The following PDE8A variants were observed in gnomAD, a reference collection of about 807,000 sequenced individuals.
The protein encoded by PDE8A is high affinity cAMP-specific and IBMX-insensitive 3',5'-cyclic phosphodiesterase 8A.
A neutral mutation model predicts 105.0 loss-of-function variants in PDE8A; 59 were observed. The observed-to-expected ratio is 0.56, with a 90% CI of 0.46 to 0.70. The LOEUF is 0.70. PDE8A is among the 30% of genes least tolerant of loss of function. The pLI, the probability that PDE8A is intolerant of heterozygous loss-of-function variation, is 0.00. For missense variants in PDE8A, 1,014 were observed against 1,045.9 expected (o/e 0.97, Z 0.42); for synonymous variants, 355 against 371.9 (o/e 0.95, Z 0.52).
intron 11 of PDE8A, among the ~76,000 whole-genome samples, chr15:85,103,225 AG>A (rs1384293661): frequency 1.3e-5 from 2 of 152,222 alleles, no homozygotes; most frequent in African/African-American, 4.8e-5. Flanking sequence ...GTCTAAAAAA[AG>A]AAAAAAGTTG....
chr15:85,070,993 C>G (rs756447249), intron 3 of PDE8A, among the ~76,000 whole-genome samples: 5 of 151,870 alleles, frequency 3.3e-5, no homozygotes, highest in Non-Finnish European at 5.9e-5. Context: ...AACTTCCTAT[C>G]AAAAAACCCA....
chr15:85,055,634 C>G (rs1331360268), intron 1 of PDE8A, among the ~76,000 whole-genome samples: 9 of 152,084 alleles, frequency 5.9e-5, no homozygotes. Flanking sequence ...GATTGCAACC[C>G]CTACTATTTT....
intron 1 of PDE8A, among the ~76,000 whole-genome samples, chr15:85,034,555 T>TA: frequency 2.0e-5 from 3 of 152,314 alleles, no homozygotes; most frequent in Middle Eastern, 6.8e-3. Context: ...CCCTCATCGT[T>TA]AATAGCTAAG....
chr15:85,070,906 T>G (rs1424943745), intron 3 of PDE8A, among the ~76,000 whole-genome samples: 1 of 152,246 alleles, frequency 6.6e-6, no homozygotes, highest in African/African-American at 2.4e-5. Flanking sequence ...GTGAGGCTGC[T>G]AGAGGCCATC....
chr15:85,005,026 GTCTTT>G lies in PDE8A; in HGVS notation c.186+22681_186+22685del, dbSNP rs2080123688. 4.6e-5 allele frequency among the ~76,000 whole-genome samples: 7 copies of G among 151,964 alleles called. No homozygotes were observed. The South Asian group carries it at 1.5e-3, about 32-fold the overall frequency. On this transcript the variant is annotated intron_variant, in intron 1 of 21. Transcript: ENST00000394553. ...TGTTTTAGTGACTTTTCTAAAGTTT[GTCTTT>G]TCATCTAGGAAGTATATAGAATACA...
At chr15:85,079,986 A>G (rs2081439896) in intron 5 of PDE8A, among the ~76,000 whole-genome samples, 1 of 152,188 alleles carries the variant, frequency 6.6e-6, no homozygotes, top group Non-Finnish European at 1.5e-5. Context: ...ATAGGCTGTT[A>G]GATTGGGTTG....
At chr15:85,093,978 G>A (rs2081696365) in intron 8 of PDE8A, among the ~76,000 whole-genome samples, 1 of 151,862 alleles carries the variant, frequency 6.6e-6, no homozygotes, top group Non-Finnish European at 1.5e-5. Flanking sequence ...TCCCACTTCA[G>A]CCTCCCAAGT....
intron 1 of PDE8A, among the ~76,000 whole-genome samples, chr15:85,050,273 A>C (rs2080952283): frequency 6.6e-6 from 1 of 151,700 alleles, no homozygotes; most frequent in Non-Finnish European, 1.5e-5. Context: ...TTGCATTTTT[A>C]CTCTGTTGAT....
intron 1 of PDE8A, among the ~76,000 whole-genome samples, chr15:84,995,979 G>A (rs2079969133): frequency 6.6e-6 from 1 of 152,020 alleles, no homozygotes; most frequent in Non-Finnish European, 1.5e-5. Context: ...TTTCTCCCTA[G>A]TATGTTTTGG....
intron 20 of PDE8A, among the ~76,000 whole-genome samples, chr15:85,130,199 C>T (rs1356940897): frequency 6.6e-6 from 1 of 152,148 alleles, no homozygotes; most frequent in African/African-American, 2.4e-5. Context: ...CAAGATCTCT[C>T]ATTACCATGG....
At chr15:84,981,073 C>T (rs1445152393), upstream of PDE8A, among the ~76,000 whole-genome samples, 2 of 152,240 alleles carry the variant, frequency 1.3e-5, no homozygotes, top group Non-Finnish European at 2.9e-5. Context: ...GTAACAGCTC[C>T]AGGGCTCACA....
chr15:85,129,282 C>T (rs117393272), intron 20 of PDE8A, among the ~76,000 whole-genome samples: 2,958 of 152,278 alleles, frequency 0.019, 47 homozygotes, highest in Non-Finnish European at 0.034. Flanking sequence ...GGAAGTACTT[C>T]CTTCCTTTTC....
chr15:85,102,708 G>T (rs1042846734), intron 11 of PDE8A, among the ~76,000 whole-genome samples: 1 of 151,556 alleles, frequency 6.6e-6, no homozygotes, highest in East Asian at 1.9e-4. Flanking sequence ...GCGTCGTGGC[G>T]CATGCCTGTC....
chr15:85,057,878 A>C (rs914754109), intron 1 of PDE8A, among the ~76,000 whole-genome samples: 1 of 152,334 alleles, frequency 6.6e-6, no homozygotes, highest in Non-Finnish European at 1.5e-5. Context: ...CTTGCATTTC[A>C]GGAATACATC....
chr15:85,122,478 C>T (rs1485666749), intron 18 of PDE8A, among the ~76,000 whole-genome samples: 1 of 152,186 alleles, frequency 6.6e-6, no homozygotes. Context: ...CTTATAGTTA[C>T]ATCAGTTATC....
chr15:85,062,330 C>T (rs7402299), intron 1 of PDE8A, among the ~76,000 whole-genome samples: 16,988 of 152,172 alleles, frequency 0.11, 1,341 homozygotes, highest in East Asian at 0.36. Flanking sequence ...AACTCAAGGT[C>T]TTCTCAGGCA....
chr15:85,105,061 G>A (rs972621973), intron 11 of PDE8A, among the ~76,000 whole-genome samples: 2 of 152,214 alleles, frequency 1.3e-5, no homozygotes, highest in African/African-American at 4.8e-5. Context: ...GCATGCAGGG[G>A]ATGAGGAGGT....
intron 1 of PDE8A, among the ~76,000 whole-genome samples, chr15:85,037,732 T>C (rs1284593151): frequency 7.9e-5 from 12 of 152,222 alleles, no homozygotes; most frequent in Admixed American, 7.2e-4. Context: ...TAATTATTAC[T>C]GAAGTAAAGA....
chr15:85,011,765 C>A (rs2141333639), intron 1 of PDE8A, among the ~76,000 whole-genome samples: 1 of 152,120 alleles, frequency 6.6e-6, no homozygotes, highest in South Asian at 2.1e-4. Flanking sequence ...AGGCAACCTA[C>A]AAAATGGGAG....
Sources: allele counts gnomAD v4.1 joint callset (sites outside exome capture counted in the v4.1 genomes callset), GRCh38; gene constraint gnomAD v4.1.1; transcripts MANE v1.5; gene names NCBI Gene and HGNC (gene_info 2026-07-23, HGNC 2026-07-21).